KLRG1: variants seen among roughly 807,000 people sequenced by gnomAD.
KLRG1 encodes killer cell lectin like receptor G1, also known as killer cell lectin-like receptor subfamily G member 1.
Under a neutral mutation model 21.8 loss-of-function variants are expected in KLRG1, and 16 were observed. The ratio of observed to expected loss-of-function variants is 0.73; its 90% confidence interval spans 0.50 to 1.11. The LOEUF (loss-of-function observed/expected upper bound fraction) is 1.11, where lower values mean the gene tolerates loss of function less well. KLRG1 is among the 50% of genes most tolerant of loss of function. The pLI is 0.00. For synonymous variants in KLRG1, 69 were observed against 75.9 expected, an observed-to-expected ratio of 0.91 and a Z score of 0.47; for missense variants, 173 against 218.3, an observed-to-expected ratio of 0.79 and a Z score of 1.31.
chr12:9,157,266 C>G, the KLRG1 span: 1 of 1,614,098 alleles, frequency 6.2e-7, no homozygotes, highest in Non-Finnish European at 8.5e-7. Context: ...CCAGCAATGC[C>G]TTGGTGTAGA....
At chr12:9,013,345 G>A (rs1259632762), downstream of KLRG1, among the ~76,000 whole-genome samples, 3 of 152,088 alleles carry the variant, frequency 2.0e-5, no homozygotes, top group Admixed American at 6.5e-5. Context: ...CAAGACCATC[G>A]AGGAAAACAT....
the KLRG1 span, chr12:9,148,703 G>T: frequency 5.3e-6 from 2 of 375,766 alleles, no homozygotes; most frequent in Non-Finnish European, 4.7e-6. Flanking sequence ...TTCTTTACCT[G>T]CAACCTCCAC....
In KLRG1 at chr12:8,995,242, T is replaced by C. The variant is rs921697318; in HGVS notation, c.311T>C (p.Leu104Pro). 1 of 1,613,874 alleles carries C rather than the reference T, an allele frequency of 6.2e-7. No individual in the cohort carries two copies. Among genetic ancestry groups the C allele is most frequent in the African/African-American group, 1.3e-5 (1 of 75,044 alleles). ...KDWNSSLEFC[L>P]ARDSHLLVIT... Reference sequence around the variant, plus strand: ...TGGAATTCTAGTCTGGAATTCTGCCTAGCCAGAGACTCACACCTCCTTGTG... The same window carrying C: ...TGGAATTCTAGTCTGGAATTCTGCCCAGCCAGAGACTCACACCTCCTTGTG... The change falls in exon 3 of 5, where the codon CTA becomes CCA. Residue 104 changes from leucine (L) to proline (P), a missense_variant. Leu to Pro is a moderately conservative substitution (Grantham distance 98). Coordinates refer to ENST00000356986, the MANE Select transcript of KLRG1 (RefSeq NM_005810.4).
Position 9,010,015 on chromosome 12 carries a change from A to T in KLRG1, c.*478A>T. 5 of 1,534,420 alleles carry T rather than the reference A, an allele frequency of 3.3e-6. No individual in the cohort carries two copies. The highest frequency in any genetic ancestry group is 4.4e-6 in the Non-Finnish European group (5 of 1,146,010). The stretch of plus-strand genomic sequence containing the variant: ...TCCTAACAGTGTCCCTTTGCAGATC[A>T]AGCTTTATTCTGAAGAATAAACCTA... On this transcript the variant is annotated 3_prime_UTR_variant, in exon 5 of 5. Transcript: ENST00000356986.
chr12:9,043,650 C>T, the KLRG1 span, among the ~76,000 whole-genome samples: 13 of 152,208 alleles, frequency 8.5e-5, no homozygotes, highest in Non-Finnish European at 1.5e-4. Flanking sequence ...CAACCACATG[C>T]TCTTTTGTAA....
At chr12:9,017,806 G>A in the KLRG1 span, among the ~76,000 whole-genome samples, 2 of 152,192 alleles carry the variant, frequency 1.3e-5, no homozygotes, top group Admixed American at 1.3e-4. Context: ...ATTCACATTG[G>A]AAAGGAAGAA....
At chr12:9,165,967 T>A in the KLRG1 span, 3 of 1,485,308 alleles carry the variant, frequency 2.0e-6, no homozygotes, top group African/African-American at 4.2e-5. Flanking sequence ...TCAGAACTTT[T>A]CAGGAAGATT....
the KLRG1 span, among the ~76,000 whole-genome samples, chr12:9,043,076 C>CTTTT: frequency 3.0e-5 from 4 of 131,196 alleles, no homozygotes; most frequent in Admixed American, 8.0e-5. Flanking sequence ...TGGCAGATAT[C>CTTTT]TTTTTTTTTT....
At chr12:9,145,631 CCAAT>C in the KLRG1 span, among the ~76,000 whole-genome samples, 3 of 152,262 alleles carry the variant, frequency 2.0e-5, no homozygotes, top group East Asian at 3.9e-4. Context: ...TTTGCCTTTG[CCAAT>C]CAGTTTCATA....
the KLRG1 span, chr12:9,101,609 T>G: frequency 1.2e-6 from 2 of 1,614,022 alleles, no homozygotes; most frequent in East Asian, 2.2e-5. Flanking sequence ...CAGTGTGATG[T>G]GCCTCTTCGT....
At chr12:8,972,162 A>AT (rs200845638) in intron 1 of KLRG1, among the ~76,000 whole-genome samples, 69 of 149,720 alleles carry the variant, frequency 4.6e-4, no homozygotes, top group Middle Eastern at 3.5e-3. Flanking sequence ...TCTTTAATCC[A>AT]TTTTTTCTTT....
chr12:9,004,313 C>T (rs1947401309), intron 3 of KLRG1, among the ~76,000 whole-genome samples: 1 of 152,106 alleles, frequency 6.6e-6, no homozygotes, highest in African/African-American at 2.4e-5. Context: ...AGTTTACAGT[C>T]CCACCAACAG....
chr12:9,160,619 G>A, the KLRG1 span: 1 of 835,156 alleles, frequency 1.2e-6, no homozygotes, highest in East Asian at 2.6e-5. Flanking sequence ...CACAGAGTGT[G>A]ACTTCCAGAA....
the KLRG1 span, among the ~76,000 whole-genome samples, chr12:9,020,070 C>T: frequency 4.0e-5 from 6 of 151,850 alleles, no homozygotes; most frequent in African/African-American, 1.5e-4. Flanking sequence ...TATACACACA[C>T]ACACACATAC....
the KLRG1 span, among the ~76,000 whole-genome samples, chr12:9,018,679 T>TAAAA: frequency 1.6e-5 from 2 of 123,338 alleles, no homozygotes; most frequent in Admixed American, 8.7e-5. Context: ...CATCTCTATT[T>TAAAA]AAAAAAAAAA....
chr12:9,057,924 A>G, the KLRG1 span: 1 of 152,226 alleles, frequency 6.6e-6, no homozygotes, highest in Non-Finnish European at 1.5e-5. Flanking sequence ...GAACTTGAGC[A>G]GAGGCTCCCA....
the KLRG1 span, among the ~76,000 whole-genome samples, chr12:9,060,903 A>G: frequency 6.6e-6 from 1 of 152,144 alleles, no homozygotes; most frequent in African/African-American, 2.4e-5. Context: ...GTATATTTAT[A>G]TTTCCTGTGG....
the KLRG1 span, chr12:9,101,752 TAC>T: frequency 8.6e-7 from 1 of 1,161,456 alleles, no homozygotes; most frequent in African/African-American, 1.5e-5. Context: ...TACGTAAGTT[TAC>T]TGTCCTACCT....
At chr12:9,164,134 CAG>C in the KLRG1 span, 1 of 1,610,944 alleles carries the variant, frequency 6.2e-7, no homozygotes, top group Admixed American at 1.7e-5. Flanking sequence ...GTCACTCACC[CAG>C]AGTTTTAGGA....
Sources: allele counts gnomAD v4.1 joint callset (sites outside exome capture counted in the v4.1 genomes callset), GRCh38; gene constraint gnomAD v4.1.1; transcripts MANE v1.5; gene names NCBI Gene and HGNC (gene_info 2026-07-23, HGNC 2026-07-21).